The following ZSCAN5A variants were observed in gnomAD, a reference collection of about 807,000 sequenced individuals.
The protein encoded by ZSCAN5A is zinc finger and SCAN domain containing 5A.
ZSCAN5A carries 12 observed loss-of-function variants against 23.7 expected under a neutral mutation model. That is an observed-to-expected ratio of 0.51 (90% CI 0.32 to 0.82). ZSCAN5A has a LOEUF of 0.82. Ranked by LOEUF, ZSCAN5A falls within the 40% of genes least tolerant of loss-of-function variation. ZSCAN5A has a pLI of 0.03. For missense variants in ZSCAN5A, 597 were observed against 617.9 expected (o/e 0.97, Z 0.36); for synonymous variants, 257 against 239.9 (o/e 1.07, Z -0.66).
At chr19:56,294,181 A>G (rs2039705875) in intron 2 of ZSCAN5A, among the ~76,000 whole-genome samples, 1 of 151,560 alleles carries the variant, frequency 6.6e-6, no homozygotes, top group South Asian at 2.1e-4. Context: ...GTAACGAGCA[A>G]AAGCCAAACC....
chr19:56,310,940 T>C (rs2040999763), intron 2 of ZSCAN5A, among the ~76,000 whole-genome samples: 1 of 152,216 alleles, frequency 6.6e-6, no homozygotes, highest in South Asian at 2.1e-4. Flanking sequence ...AACAGTAGGG[T>C]AGAAGTTCTC....
rs1026034778 is a variant in ZSCAN5A at position 56,312,955 on chromosome 19, G to A, written c.-128+328C>T. On this transcript the variant is annotated intron_variant, in intron 2 of 5. Transcript: ENST00000683990. ...TTGTCAGCACACCATGCTTGTTAGC[G>A]CCAGTTACTGTTACTGCTGCTGCTA... Among the ~76,000 whole-genome samples, 4 of 152,146 alleles carry A rather than the reference G, an allele frequency of 2.6e-5. No homozygotes were observed. In the South Asian group the frequency reaches 6.2e-4, roughly 24 times the overall value.
chr19:56,330,253 AT>A (rs1411020094), intron 2 of ZSCAN5A, among the ~76,000 whole-genome samples: 4 of 152,194 alleles, frequency 2.6e-5, no homozygotes, highest in Non-Finnish European at 5.9e-5. Flanking sequence ...AGCTATGTTG[AT>A]TTCACATCTT....
At chr19:56,260,070 A>T (rs527397163) in intron 2 of ZSCAN5A, among the ~76,000 whole-genome samples, 13 of 152,346 alleles carry the variant, frequency 8.5e-5, no homozygotes, top group African/African-American at 2.9e-4. Flanking sequence ...ATCGGCAAGG[A>T]GAACACCACT....
intron 2 of ZSCAN5A, among the ~76,000 whole-genome samples, chr19:56,245,632 T>C (rs2035821952): frequency 6.6e-6 from 1 of 152,154 alleles, no homozygotes; most frequent in South Asian, 2.1e-4. Context: ...GCTTTTAGCA[T>C]GTAGGGTGGG....
Position 56,313,314 on chromosome 19 carries a change from A to G in ZSCAN5A, c.-159T>C. On this transcript the variant is annotated 5_prime_UTR_variant, in exon 2 of 6. An upstream start codon of the reference 5' UTR is lost. Transcript: ENST00000683990. The stretch of plus-strand genomic sequence containing the variant: ...ACGTGGCTGGGGAGGCCTCACAATC[A>G]TGGCAGAAGGTCAAAGGCACGTCTC... The G allele has an allele frequency of 2.9e-6, 1 of 339,940 alleles. No individual in the cohort carries two copies. The highest frequency in any genetic ancestry group is 3.5e-5 in the Admixed American group (1 of 28,902). The allele number at this position is 339,940 out of a possible 1,614,324, so 21.1% of individuals were successfully genotyped here.
chr19:56,303,211 G>A lies in ZSCAN5A; in HGVS notation c.-128+10072C>T, dbSNP rs148206588. ...AACTACAAGCCAGGCCGGGCACGGT[G>A]GCTCACGCTTGTCATCGCAGCACTG... On this transcript the variant is annotated intron_variant, in intron 2 of 5. Transcript: ENST00000683990. 3.8e-3 allele frequency among the ~76,000 whole-genome samples: 584 copies of A among 152,300 alleles called. 2 individuals carry two copies. Among genetic ancestry groups the A allele is most frequent in the African/African-American group, 0.013 (558 of 41,570 alleles).
At chr19:56,281,562 A>C (rs1424489865) in intron 2 of ZSCAN5A, 1 of 329,400 alleles carries the variant, frequency 3.0e-6, no homozygotes, top group Non-Finnish European at 4.3e-6. Flanking sequence ...CAGGCAAATA[A>C]ATGTTCCATG....
chr19:56,271,376 G>A (rs186753485), intron 2 of ZSCAN5A, among the ~76,000 whole-genome samples: 5 of 152,326 alleles, frequency 3.3e-5, no homozygotes, highest in African/African-American at 1.2e-4. Flanking sequence ...AATAGCCTTT[G>A]CTTGTTTTCA....
chr19:56,341,702 CAAAAAAA>C (rs1175628460), intron 2 of ZSCAN5A, among the ~76,000 whole-genome samples: 117 of 53,800 alleles, frequency 2.2e-3, no homozygotes, highest in African/African-American at 7.2e-3. Flanking sequence ...TACCAAAAGG[CAAAAAAA>C]AAAAAAAAAA....
At chr19:56,318,110 G>C (rs554824474), upstream of ZSCAN5A, 2 of 145,448 alleles carry the variant, frequency 1.4e-5, no homozygotes, top group South Asian at 2.2e-4. Flanking sequence ...TAGGTGGACT[G>C]TTTGGCTGGT....
chr19:56,282,324 T>C (rs867065144), intron 2 of ZSCAN5A, among the ~76,000 whole-genome samples: 1 of 152,106 alleles, frequency 6.6e-6, no homozygotes, highest in Non-Finnish European at 1.5e-5. Flanking sequence ...TTAGAATGAA[T>C]TGCAGCTCCC....
chr19:56,294,495 T>C (rs986211462), intron 2 of ZSCAN5A, among the ~76,000 whole-genome samples: 6 of 152,232 alleles, frequency 3.9e-5, no homozygotes, highest in Admixed American at 2.0e-4. Flanking sequence ...CAGCATTTTT[T>C]TTTCTGTTTT....
Position 56,221,940 on chromosome 19 carries a change from T to C in ZSCAN5A, c.1126A>G (p.Arg376Gly). The change falls in exon 6 of 6, where the codon AGA becomes GGA. Residue 376 changes from arginine to glycine, a missense_variant. Arg to Gly is a moderately radical substitution (Grantham distance 125). Around this residue, in one of 5 missense-constraint regions of ZSCAN5A, gnomAD observed 406 missense variants for 353.2 expected, o/e 1.15. Transcript: ENST00000683990. ...AAGAGTCTCTCGCCTGTGTGTGATC[T>C]CTTGTGGATGACTAGCTTGGAATTA... ...TCNSKLVIHK[R>G]SHTGERLFQC... is the part of the protein sequence containing the mutation. 6.2e-7 allele frequency: 1 copy of C among 1,614,096 alleles called. No homozygotes were observed. The highest frequency in any genetic ancestry group is 1.1e-5 in the South Asian group (1 of 91,076).
chr19:56,294,550 G>A (rs1321930555), intron 2 of ZSCAN5A, among the ~76,000 whole-genome samples: 1 of 152,168 alleles, frequency 6.6e-6, no homozygotes, highest in Non-Finnish European at 1.5e-5. Flanking sequence ...TCAGGGCCAG[G>A]TGGTCTCTGC....
At chr19:56,348,696 T>A (rs772822350) in intron 2 of ZSCAN5A, among the ~76,000 whole-genome samples, 1 of 152,232 alleles carries the variant, frequency 6.6e-6, no homozygotes, top group African/African-American at 2.4e-5. Context: ...TTACCACTAA[T>A]GGATCTCCTA....
chr19:56,269,226 C>G (rs2037677128), intron 2 of ZSCAN5A, among the ~76,000 whole-genome samples: 1 of 152,168 alleles, frequency 6.6e-6, no homozygotes, highest in Non-Finnish European at 1.5e-5. Flanking sequence ...GGGGCTATAC[C>G]AATTTACATT....
intron 2 of ZSCAN5A, among the ~76,000 whole-genome samples, chr19:56,233,206 C>T (rs2034608485): frequency 6.6e-6 from 1 of 152,088 alleles, no homozygotes; most frequent in Non-Finnish European, 1.5e-5. Context: ...CAAGTTTTTA[C>T]ATTTCACATG....
chr19:56,337,928 T>A (rs907787083), intron 2 of ZSCAN5A, among the ~76,000 whole-genome samples: 15 of 152,220 alleles, frequency 9.9e-5, no homozygotes, highest in African/African-American at 3.6e-4. Flanking sequence ...ATATGCTATT[T>A]CGTGGCTTTT....
Sources: gnomAD v4.1 joint callset for allele counts (sites outside exome capture counted in the v4.1 genomes callset) on GRCh38, gnomAD v4.1.1 for gene constraint, gnomAD v4.1.1 regional missense constraint, MANE v1.5 for transcripts, NCBI Gene and HGNC (gene_info 2026-07-23, HGNC 2026-07-21) for gene names.